STARD9: variants seen among roughly 807,000 people sequenced by gnomAD.
STARD9 encodes stAR-related lipid transfer protein 9.
A neutral mutation model predicts 399.8 loss-of-function variants in STARD9; 346 were observed. The ratio of observed to expected loss-of-function variants is 0.87; its 90% CI spans 0.79 to 0.95. The LOEUF is 0.95. Among genes scored for constraint, STARD9 ranks in the 40% least tolerant of loss-of-function variants. The probability of loss-of-function intolerance (pLI) is 0.00; values close to 1 mark genes in which losing one functional copy is unlikely to be tolerated. For missense variants in STARD9, 5,832 were observed against 5,667.5 expected (o/e 1.03, Z -0.93); for synonymous variants, 2,203 against 2,143.5 (o/e 1.03, Z -0.77).
intron 3 of STARD9, among the ~76,000 whole-genome samples, chr15:42,619,782 G>A (rs771363784): frequency 3.3e-5 from 5 of 152,146 alleles, no homozygotes; most frequent in Non-Finnish European, 7.4e-5. Context: ...GTGTGGCCTG[G>A]TTCCTGGTTG....
rs546449671 is a variant in STARD9 at position 42,707,413 on chromosome 15, A to T, written c.13285-9264A>T. Among the ~76,000 whole-genome samples the T allele has an allele frequency of 2.6e-5, 4 of 152,282 alleles. No homozygotes were observed. The South Asian group carries it at 8.3e-4, about 32-fold the overall frequency. ...GTTGCACACATGAAATATTAATACT[A>T]TGCAAGACTCGAAATCAGCAGATTA... On this transcript the variant is annotated intron_variant, in intron 26 of 32. Transcript: ENST00000290607.
At chr15:42,701,182 TA>T (rs1315463065) in intron 26 of STARD9, among the ~76,000 whole-genome samples, 1 of 152,168 alleles carries the variant, frequency 6.6e-6, no homozygotes, top group African/African-American at 2.4e-5. Flanking sequence ...TGAAGTCAGG[TA>T]CTGTGATGCC....
At chr15:42,695,029 A>G in intron 24 of STARD9, 111 bp from the exon 25 acceptor site, 1 of 941,286 alleles carries the variant, frequency 1.1e-6, no homozygotes, top group Non-Finnish European at 1.5e-6. Flanking sequence ...CCTGTGGGCA[A>G]ATGGAGGTTG....
At chr15:42,656,818 G>A (rs2059883165) in intron 9 of STARD9, among the ~76,000 whole-genome samples, 1 of 152,096 alleles carries the variant, frequency 6.6e-6, no homozygotes, top group African/African-American at 2.4e-5. Flanking sequence ...AGGACACATA[G>A]GCATAAGGAC....
intron 4 of STARD9, among the ~76,000 whole-genome samples, chr15:42,635,688 G>A (rs1220419592): frequency 1.3e-5 from 2 of 152,162 alleles, no homozygotes; most frequent in Admixed American, 6.6e-5. Flanking sequence ...CTTTGACAAA[G>A]CAGTTCTTGT....
intron 20 of STARD9, among the ~76,000 whole-genome samples, chr15:42,679,755 T>C (rs1398755639): frequency 6.6e-6 from 1 of 152,166 alleles, no homozygotes; most frequent in African/African-American, 2.4e-5. Flanking sequence ...AGACAGTACG[T>C]AAATAAATGG....
chr15:42,680,289 A>G (rs2060399934), intron 20 of STARD9, among the ~76,000 whole-genome samples: 1 of 152,140 alleles, frequency 6.6e-6, no homozygotes, highest in Non-Finnish European at 1.5e-5. Context: ...GTGGCAGAGT[A>G]AGGCATGACT....
rs764289818 is a variant in STARD9, at chr15:42,693,196, C to A, written c.11618C>A (p.Thr3873Asn). Residue 3873 changes from threonine to asparagine, a missense_variant, in exon 23 of 33, where the codon ACT becomes AAT. Coordinates refer to ENST00000290607, the MANE Select transcript of STARD9 (RefSeq NM_020759.3). ...CATTCCCCAGGGCTCTTTCCCAGTA[C>A]TTCCGAGTATCCTGGGGACTCCAGG... ...SPHSPGLFPS[T>N]SEYPGDSRVQ... 5.2e-6 allele frequency: 8 copies of A among 1,537,020 alleles called. No individual in the cohort carries two copies. Among genetic ancestry groups the A allele is most frequent in the African/African-American group, 1.4e-5 (1 of 73,016 alleles).
intron 3 of STARD9, among the ~76,000 whole-genome samples, chr15:42,597,573 G>A (rs1274154921): frequency 1.3e-5 from 2 of 151,900 alleles, no homozygotes; most frequent in South Asian, 2.1e-4. Context: ...GTCTCGCTCT[G>A]TTGCCCAGAC....
rs143692879 is a variant in STARD9 at position 42,685,430 on chromosome 15, T to C, written c.3852T>C (p.His1284=). The C allele has an allele frequency of 3.8e-3, 5,766 of 1,536,134 alleles. 31 individuals are homozygous for C. Among genetic ancestry groups the C allele is most frequent in the Middle Eastern group, 6.3e-3 (38 of 5,990 alleles). ...ACCTTGATCCTCAGTTCCAACCCCA[T>C]TGTGAGCTCCAACCCCATTGTGAGC... ...SFYLDPQFQP[H]CELQPHCELQ... The change falls in exon 23 of 33, where the codon CAT becomes CAC. Residue 1284 remains histidine (H), a synonymous_variant. Transcript: ENST00000290607.
chr15:42,626,301 C>CCT (rs2059211289), intron 3 of STARD9, among the ~76,000 whole-genome samples: 1 of 85,014 alleles, frequency 1.2e-5, no homozygotes, highest in Non-Finnish European at 2.3e-5. Flanking sequence ...CTCTTCCTCC[C>CCT]CTTCTTCCTC....
intron 1 of STARD9, among the ~76,000 whole-genome samples, chr15:42,580,553 C>T (rs188252842): frequency 1.3e-3 from 202 of 152,264 alleles, no homozygotes; most frequent in African/African-American, 3.6e-3. Flanking sequence ...TGGTGGCTCA[C>T]GCCTGTAATC....
Position 42,685,687 on chromosome 15 carries a change from A to G in STARD9, c.4109A>G (p.Lys1370Arg). The part of the protein sequence containing the change: ...SPDMQEFHSC[K>R]GERPGYWPNT... ...GATATGCAGGAATTTCACTCCTGTA[A>G]GGGGGAGAGGCCTGGATACTGGCCA... Residue 1370 changes from lysine to arginine, a missense_variant, in exon 23 of 33, where the codon AAG becomes AGG. Physicochemically the swap from Lys to Arg is conservative, Grantham distance 26. Transcript: ENST00000290607. 6.5e-7 allele frequency: 1 copy of G among 1,537,398 alleles called. No individual in the cohort carries two copies. Among genetic ancestry groups the G allele is most frequent in the Non-Finnish European group, 8.7e-7 (1 of 1,146,956 alleles).
chr15:42,657,759 T>A (rs536252196), intron 9 of STARD9, among the ~76,000 whole-genome samples: 2 of 152,146 alleles, frequency 1.3e-5, no homozygotes, highest in Non-Finnish European at 2.9e-5. Flanking sequence ...ACCAAGATAG[T>A]GTGGTGTTAG....
chr15:42,610,182 A>G (rs1232365715), intron 3 of STARD9, among the ~76,000 whole-genome samples: 4 of 152,236 alleles, frequency 2.6e-5, no homozygotes, highest in Non-Finnish European at 4.4e-5. Flanking sequence ...CCATTGCTTT[A>G]TGATAGTCAT....
rs1566947526 is a variant in STARD9, at chr15:42,692,128, G to A, written c.10550G>A (p.Gly3517Asp). The stretch of plus-strand genomic sequence containing the variant: ...GCCCGGTGCTCCAGCATGGACAATG[G>A]CCTAGAAGACCAGAACTCCCCTTTC... ...NVARCSSMDN[G>D]LEDQNSPFHS... The change falls in exon 23 of 33, where the codon GGC becomes GAC. Residue 3517 changes from glycine to aspartate, a missense_variant. Transcript: ENST00000290607. The A allele has an allele frequency of 6.5e-7, 1 of 1,537,130 alleles. No individual in the cohort carries two copies. Among genetic ancestry groups the A allele is most frequent in the Non-Finnish European group, 8.7e-7 (1 of 1,146,894 alleles).
At position 42,687,647 on chromosome 15, in the gene STARD9, A is replaced by G; in HGVS notation, c.6069A>G (p.Gln2023=). Residue 2023 remains glutamine (Q), a synonymous_variant, in exon 23 of 33, where the codon CAA becomes CAG. Coordinates refer to ENST00000290607, the MANE Select transcript of STARD9 (RefSeq NM_020759.3). ...GAAACCCCAGTGAATGCAAGTCACA[A>G]GAAATGTTAAATCCCAACAGAGAAC... is the stretch of plus-strand genomic sequence containing the variant. ...QERNPSECKS[Q]EMLNPNREPS... is the part of the protein sequence containing the mutation. 6.5e-7 allele frequency: 1 copy of G among 1,537,154 alleles called. No homozygotes were observed. The highest frequency in any genetic ancestry group is 8.7e-7 in the Non-Finnish European group (1 of 1,146,918).
At chr15:42,634,609 GTATCT>G (rs904617668) in intron 3 of STARD9, among the ~76,000 whole-genome samples, 26 of 152,154 alleles carry the variant, frequency 1.7e-4, no homozygotes, top group African/African-American at 5.8e-4. Flanking sequence ...TATTACTTTT[GTATCT>G]TATCTTCAGA....
chr15:42,703,884 T>C (rs951405614), intron 26 of STARD9, among the ~76,000 whole-genome samples: 1 of 152,052 alleles, frequency 6.6e-6, no homozygotes, highest in Non-Finnish European at 1.5e-5. Flanking sequence ...CTGTTTGATT[T>C]TTAAAAGATT....
Sources: gnomAD v4.1 joint callset for allele counts (sites outside exome capture counted in the v4.1 genomes callset) on GRCh38, gnomAD v4.1.1 for gene constraint, MANE v1.5 for transcripts, NCBI Gene and HGNC (gene_info 2026-07-23, HGNC 2026-07-21) for gene names.